Variants in TEX14 observed in about 807,000 individuals in gnomAD.
TEX14 encodes inactive serine/threonine-protein kinase TEX14.
A neutral mutation model predicts 178.6 loss-of-function variants in TEX14; 168 were observed. The observed-to-expected ratio is 0.94, with a 90% CI of 0.83 to 1.07. The LOEUF (loss-of-function observed/expected upper bound fraction) is 1.07, where lower values mean the gene tolerates loss of function less well. Ranked by LOEUF, TEX14 falls within the 50% of genes least tolerant of loss-of-function variation. The pLI is 0.00. For missense variants in TEX14, 1,730 were observed against 1,753.6 expected, an observed-to-expected ratio of 0.99 and a Z score of 0.24; for synonymous variants, 626 against 634.1, an observed-to-expected ratio of 0.99 and a Z score of 0.19.
At chr17:58,611,113 C>A in intron 10 of TEX14, 48 bp downstream of exon 10, 2 of 1,432,178 alleles carry the variant, frequency 1.4e-6, no homozygotes, top group South Asian at 2.3e-5. Context: ...GAAGGGTCCC[C>A]AAGGGAGATC....
intron 10 of TEX14, among the ~76,000 whole-genome samples, chr17:58,608,521 A>G (rs907158028): frequency 2.6e-5 from 4 of 152,158 alleles, no homozygotes; most frequent in Admixed American, 6.5e-5. Flanking sequence ...GGTTGCAGTG[A>G]GCCGAGATCG....
chr17:58,583,630 T>C, intron 19 of TEX14, among the ~76,000 whole-genome samples: 1 of 152,128 alleles, frequency 6.6e-6, no homozygotes, highest in East Asian at 1.9e-4. Context: ...GCCACACACT[T>C]CCCTTCCTGT....
chr17:58,603,870 C>T (rs2045535869), intron 11 of TEX14, among the ~76,000 whole-genome samples: 1 of 134,448 alleles, frequency 7.4e-6, no homozygotes, highest in African/African-American at 2.8e-5. Context: ...AAAAAAGCAG[C>T]CCTTAATGTG....
intron 9 of TEX14, among the ~76,000 whole-genome samples, chr17:58,611,830 C>T (rs535580970): frequency 2.6e-5 from 4 of 152,264 alleles, no homozygotes; most frequent in African/African-American, 9.6e-5. Context: ...ATCAATGCAC[C>T]TGGCTGACTA....
chr17:58,573,099 G>A (rs2044579471), intron 23 of TEX14, 82 bp downstream of exon 23: 1 of 1,564,070 alleles, frequency 6.4e-7, no homozygotes, highest in Non-Finnish European at 8.7e-7. Flanking sequence ...CACCAGCTCT[G>A]ATACCACGGC....
At chr17:58,581,790 T>C (rs1259041530) in intron 19 of TEX14, 3 of 1,580,272 alleles carry the variant, frequency 1.9e-6, no homozygotes, top group Non-Finnish European at 2.6e-6. Flanking sequence ...AATCCCTTTA[T>C]AGTTGGATGC....
chr17:58,591,291 G>A (rs544868345), intron 15 of TEX14, among the ~76,000 whole-genome samples: 1 of 152,312 alleles, frequency 6.6e-6, no homozygotes, highest in South Asian at 2.1e-4. Flanking sequence ...GCCAAGGTGG[G>A]TGGATCACCT....
In TEX14 at chr17:58,601,805, C is replaced by T. The variant is rs182351343; in HGVS notation, c.1678+1G>A. On this transcript the variant is annotated splice_donor_variant, in intron 13 of 31. Transcript: ENST00000349033. LOFTEE classifies it high-confidence loss of function. ...ACACAACCTGTGAATTAAGGCCATA[C>T]CCATTTCCTTTAGTTCTATGATTTC... is the stretch of plus-strand genomic sequence containing the variant. 47 of 1,612,136 alleles carry T rather than the reference C, an allele frequency of 2.9e-5. No homozygotes were observed. The highest frequency in any genetic ancestry group is 3.7e-5 in the Non-Finnish European group (44 of 1,179,686).
At chr17:58,603,629 C>A (rs977412174) in intron 11 of TEX14, among the ~76,000 whole-genome samples, 1 of 147,966 alleles carries the variant, frequency 6.8e-6, no homozygotes, top group South Asian at 2.1e-4. Context: ...CTGAGGTGGG[C>A]GGATCACGAG....
At chr17:58,669,259 G>A (rs1169855449) in intron 1 of TEX14, among the ~76,000 whole-genome samples, 3 of 151,984 alleles carry the variant, frequency 2.0e-5, no homozygotes, top group South Asian at 4.2e-4. Flanking sequence ...GGCTGAGGCA[G>A]AAGAATGGCT....
At chr17:58,680,977 A>G (rs960659875) in intron 1 of TEX14, among the ~76,000 whole-genome samples, 15 of 152,092 alleles carry the variant, frequency 9.9e-5, no homozygotes, top group African/African-American at 3.6e-4. Flanking sequence ...AAAGGAAGAA[A>G]TAATGCTGTT....
intron 1 of TEX14, among the ~76,000 whole-genome samples, chr17:58,659,071 CGCGCGCCACTACAACAACTCTGAAA>C (rs2143335565): frequency 8.8e-6 from 1 of 113,146 alleles, no homozygotes; most frequent in African/African-American, 4.7e-5. Context: ...CAAAACCAAA[CGCGCGCCACTACAACAACTCTGAAA>C]ATAAACACAC....
intron 14 of TEX14, among the ~76,000 whole-genome samples, chr17:58,595,503 C>T (rs984761698): frequency 6.6e-6 from 1 of 152,190 alleles, no homozygotes; most frequent in Non-Finnish European, 1.5e-5. Flanking sequence ...TGATACAATC[C>T]TAGGGTCAGG....
At chr17:58,685,367 T>G (rs533806646) in intron 1 of TEX14, among the ~76,000 whole-genome samples, 1 of 139,676 alleles carries the variant, frequency 7.2e-6, no homozygotes, top group African/African-American at 2.7e-5. Context: ...ACGTGGGAGG[T>G]GGAGGTTGCA....
chr17:58,573,060 G>T, intron 23 of TEX14, 121 bp downstream of exon 23: 1 of 1,411,758 alleles, frequency 7.1e-7, no homozygotes, highest in East Asian at 2.3e-5. Flanking sequence ...TGGCCCTAAA[G>T]AAAAACCTTT....
At chr17:58,670,785 A>G (rs1320851960) in intron 1 of TEX14, among the ~76,000 whole-genome samples, 3 of 150,714 alleles carry the variant, frequency 2.0e-5, no homozygotes, top group African/African-American at 4.9e-5. Flanking sequence ...AAAAAAAAAA[A>G]AAAAAAAAAA....
chr17:58,621,882 C>G, intron 4 of TEX14, 96 bp from the exon 5 acceptor site: 1 of 1,367,742 alleles, frequency 7.3e-7, no homozygotes, highest in Non-Finnish European at 9.7e-7. Context: ...GAGCTGAGAG[C>G]CCCCAACAGA....
chr17:58,603,540 G>GT (rs1272596807), intron 11 of TEX14, among the ~76,000 whole-genome samples: 4 of 128,222 alleles, frequency 3.1e-5, no homozygotes, highest in African/African-American at 1.2e-4. Flanking sequence ...GGGCAACAGA[G>GT]TAAGACTCCA....
At chr17:58,562,962 C>T (rs1306987808) in intron 28 of TEX14, among the ~76,000 whole-genome samples, 1 of 151,938 alleles carries the variant, frequency 6.6e-6, no homozygotes, top group Admixed American at 6.5e-5. Context: ...GACCCAACTA[C>T]TTGGCAGCTG....
Sources: allele counts gnomAD v4.1 joint callset (sites outside exome capture counted in the v4.1 genomes callset), GRCh38; gene constraint gnomAD v4.1.1; transcripts MANE v1.5; gene names NCBI Gene and HGNC (gene_info 2026-07-23, HGNC 2026-07-21).